Variants in KCNQ1 observed in about 807,000 individuals in gnomAD.
The protein encoded by KCNQ1 is potassium voltage-gated channel subfamily KQT member 1.
In KCNQ1, 49 loss-of-function variants were observed where a neutral mutation model predicts 72.4. That is an observed-to-expected ratio of 0.68 (90% CI 0.54 to 0.86). KCNQ1 has a LOEUF of 0.86. Ranked by LOEUF, KCNQ1 falls within the 40% of genes least tolerant of loss-of-function variation. KCNQ1 has a pLI of 0.00. For missense variants in KCNQ1, 790 were observed against 945.1 expected, an observed-to-expected ratio of 0.84 and a Z score of 2.15; for synonymous variants, 450 against 412.6, an observed-to-expected ratio of 1.09 and a Z score of -1.10.
rs957858583 is a variant in KCNQ1 at position 2,447,545 on chromosome 11, G to A, written c.386+2061G>A. 2.6e-5 allele frequency among the ~76,000 whole-genome samples: 4 copies of A among 152,132 alleles called. No individual in the cohort carries two copies. Among genetic ancestry groups the A allele is most frequent in the Admixed American group, 1.3e-4 (2 of 15,280 alleles). The stretch of plus-strand genomic sequence containing the variant: ...TGCGCTCCCACCCTCAGTGCCCTAG[G>A]AGGTTGGCAGGACCAGTCTCTTGAG... On this transcript the variant is annotated intron_variant, in intron 1 of 15. Coordinates refer to ENST00000155840, the MANE Select transcript of KCNQ1 (RefSeq NM_000218.3). The surrounding 1 kb of genome is among the most constrained non-coding windows in gnomAD (Gnocchi z 7.6).
chr11:2,525,747 G>T (rs1027017287), intron 1 of KCNQ1, among the ~76,000 whole-genome samples: 5 of 152,230 alleles, frequency 3.3e-5, no homozygotes, highest in Non-Finnish European at 7.3e-5. Flanking sequence ...ATGTCCCAGT[G>T]GGGGAGTAAC....
chr11:2,546,325 A>G (rs1366650724), intron 2 of KCNQ1, among the ~76,000 whole-genome samples: 1 of 152,188 alleles, frequency 6.6e-6, no homozygotes, highest in Non-Finnish European at 1.5e-5. Flanking sequence ...GGTCTCTTAA[A>G]ATATATTAAG....
In KCNQ1 at chr11:2,445,134, G is replaced by A. The variant is rs2133559382; in HGVS notation, c.36G>A (p.Arg12=). The change falls in exon 1 of 16, where the codon AGG becomes AGA. Residue 12 remains arginine (R), a synonymous_variant. Coordinates refer to ENST00000155840, the MANE Select transcript of KCNQ1 (RefSeq NM_000218.3). ...AAASSPPRAE[R]KRWGWGRLPG... is the part of the protein sequence containing the mutation. ...CCTCCTCCCCGCCCAGGGCCGAGAGGAAGCGCTGGGGTTGGGGCCGCCTGC... is the reference window on the plus strand; with the variant it reads ...CCTCCTCCCCGCCCAGGGCCGAGAGAAAGCGCTGGGGTTGGGGCCGCCTGC... The A allele has an allele frequency of 1.8e-6, 2 of 1,120,532 alleles. No homozygotes were observed. Among genetic ancestry groups the A allele is most frequent in the Admixed American group, 4.9e-5 (1 of 20,510 alleles). The allele number at this position is 1,120,532 out of a possible 1,614,324, so 69.4% of individuals were successfully genotyped here. A position where few individuals can be genotyped will look rare whatever the true frequency, so the allele number is the denominator to read the frequency against.
At chr11:2,749,960 C>CA (rs71029158) in intron 11 of KCNQ1, among the ~76,000 whole-genome samples, 35 of 144,254 alleles carry the variant, frequency 2.4e-4, no homozygotes, top group East Asian at 1.8e-3. Context: ...ACTCTGTCTC[C>CA]AAAAAAAAAA....
At chr11:2,798,152 G>A (rs1166257877) in intron 15 of KCNQ1, among the ~76,000 whole-genome samples, 1 of 152,188 alleles carries the variant, frequency 6.6e-6, no homozygotes, top group Non-Finnish European at 1.5e-5. Context: ...CCAGGCCCAA[G>A]CAAGCCTGCA....
Position 2,602,088 on chromosome 11 carries a change from C to T in KCNQ1, c.1393+13234C>T, listed in dbSNP as rs112209729. On this transcript the variant is annotated intron_variant, in intron 10 of 15. Coordinates refer to ENST00000155840, the MANE Select transcript of KCNQ1 (RefSeq NM_000218.3). The surrounding 1 kb of genome is among the most constrained non-coding windows in gnomAD (Gnocchi z 4.8). The stretch of plus-strand genomic sequence containing the variant: ...GAAGAGAAAAAGGGTTACGTGGCCA[C>T]GGAAGCAGGGGCAGGAAATGGCAAT... Among the ~76,000 whole-genome samples the T allele has an allele frequency of 3.5e-3, 533 of 152,070 alleles. 4 individuals are homozygous for T. The highest frequency in any genetic ancestry group is 0.011 in the African/African-American group (460 of 41,464).
In KCNQ1 at chr11:2,724,489, T is replaced by C. The variant is rs887707328; in HGVS notation, c.1515-44355T>C. 1.3e-5 allele frequency among the ~76,000 whole-genome samples: 2 copies of C among 151,914 alleles called. No individual in the cohort carries two copies. Among genetic ancestry groups the C allele is most frequent in the Non-Finnish European group, 2.9e-5 (2 of 67,976 alleles). ...GGGTGGGAGGGCAAAGAGAGAGAAGTGGTGGGTGGCAGCGAGCAGGCTGTC... is the reference window on the plus strand; with the variant it reads ...GGGTGGGAGGGCAAAGAGAGAGAAGCGGTGGGTGGCAGCGAGCAGGCTGTC... On this transcript the variant is annotated intron_variant, in intron 11 of 15. Coordinates refer to ENST00000155840, the MANE Select transcript of KCNQ1 (RefSeq NM_000218.3). This position sits in a 1 kb window ranked among gnomAD's most constrained non-coding sequence, Gnocchi z 6.8.
chr11:2,805,274 G>A (rs903392795), intron 15 of KCNQ1, among the ~76,000 whole-genome samples: 2 of 152,224 alleles, frequency 1.3e-5, no homozygotes, highest in African/African-American at 4.8e-5. Context: ...AGCAAAGGCT[G>A]CAGCTGCACA....
At position 2,488,761 on chromosome 11, in the gene KCNQ1, G is replaced by A. The variant is rs779236777; in HGVS notation, c.387-39167G>A. Among the ~76,000 whole-genome samples the A allele has an allele frequency of 8.5e-5, 13 of 152,218 alleles. No individual in the cohort carries two copies. Among genetic ancestry groups the A allele is most frequent in the Admixed American group, 3.3e-4 (5 of 15,284 alleles). On this transcript the variant is annotated intron_variant, in intron 1 of 15. Coordinates refer to ENST00000155840, the MANE Select transcript of KCNQ1 (RefSeq NM_000218.3). This position sits in a 1 kb window ranked among gnomAD's most constrained non-coding sequence, Gnocchi z 5.1. ...TTTTTACTTAGTCCATCTAGCTAAA[G>A]GTTTGTCAATTCTTAAAATCTTTTC... is the stretch of plus-strand genomic sequence containing the variant.
intron 12 of KCNQ1, among the ~76,000 whole-genome samples, chr11:2,771,760 T>G (rs572490061): frequency 6.6e-6 from 1 of 152,270 alleles, no homozygotes; most frequent in East Asian, 1.9e-4. Flanking sequence ...AGAGATCATC[T>G]GCGCCAGCCC....
intron 15 of KCNQ1, chr11:2,840,150 T>C (rs1236379516): frequency 6.8e-6 from 1 of 147,782 alleles, no homozygotes; most frequent in Non-Finnish European, 1.5e-5. Flanking sequence ...ACATTTTGTA[T>C]GCTTCATGTA....
Position 2,788,152 on chromosome 11 carries a change from T to C in KCNQ1, c.1794+10115T>C, listed in dbSNP as rs1179431272. Among the ~76,000 whole-genome samples the C allele has an allele frequency of 7.9e-5, 12 of 151,098 alleles. No individual in the cohort carries two copies. The East Asian group carries it at 2.3e-3, about 29-fold the overall frequency. The stretch of plus-strand genomic sequence containing the variant: ...CCATCTCATGGCCCCAGCGCCCCTC[T>C]CCACCCCATGCCCCCAACAGAGATG... On this transcript the variant is annotated intron_variant, in intron 15 of 15. Coordinates refer to ENST00000155840, the MANE Select transcript of KCNQ1 (RefSeq NM_000218.3).
rs1229285563 is a variant in KCNQ1, at chr11:2,592,243, C to T, written c.1393+3389C>T. On this transcript the variant is annotated intron_variant, in intron 10 of 15. Coordinates refer to ENST00000155840, the MANE Select transcript of KCNQ1 (RefSeq NM_000218.3). The surrounding 1 kb of genome is among the most constrained non-coding windows in gnomAD (Gnocchi z 5.2). ...AGATGGAGAAACGGAAGGCCAGGGC[C>T]ATGTGGGGAACTCCTGAGGACACCT... 1.3e-5 allele frequency among the ~76,000 whole-genome samples: 2 copies of T among 152,220 alleles called. No homozygotes were observed. Among genetic ancestry groups the T allele is most frequent in the African/African-American group, 4.8e-5 (2 of 41,454 alleles).
At chr11:2,761,643 CAGAG>C (rs995921651) in intron 11 of KCNQ1, among the ~76,000 whole-genome samples, 1 of 152,104 alleles carries the variant, frequency 6.6e-6, no homozygotes, top group African/African-American at 2.4e-5. Flanking sequence ...TCGCCCAAGA[CAGAG>C]AGAGAGACAC....
rs1175986552 is a variant in KCNQ1, at chr11:2,493,617, C to T, written c.387-34311C>T. 2.0e-5 allele frequency among the ~76,000 whole-genome samples: 3 copies of T among 152,134 alleles called. No homozygotes were observed. The highest frequency in any genetic ancestry group is 2.9e-5 in the Non-Finnish European group (2 of 68,016). ...TTTATTAAATAGAGAATCCTTTCCG[C>T]ATTGCTTTTTTGTCAGGTTGGTCAA... On this transcript the variant is annotated intron_variant, in intron 1 of 15. Coordinates refer to ENST00000155840, the MANE Select transcript of KCNQ1 (RefSeq NM_000218.3). The surrounding 1 kb of genome is among the most constrained non-coding windows in gnomAD (Gnocchi z 5.3).
At chr11:2,587,267 GTC>G (rs1848605035) in intron 8 of KCNQ1, among the ~76,000 whole-genome samples, 1 of 152,214 alleles carries the variant, frequency 6.6e-6, no homozygotes, top group Admixed American at 6.5e-5. Flanking sequence ...ACCTTTGCAA[GTC>G]TCTCCTTTGG....
intron 11 of KCNQ1, among the ~76,000 whole-genome samples, chr11:2,730,609 C>A (rs529749710): frequency 2.0e-5 from 3 of 152,264 alleles, no homozygotes; most frequent in Admixed American, 6.5e-5. Flanking sequence ...GCCTGGGAGG[C>A]CCCAGGAGGC....
In KCNQ1 at chr11:2,611,957, TG is replaced by T. The variant is rs1733336802; in HGVS notation, c.1393+23104del. 11 of 398,682 alleles carry T rather than the reference TG, an allele frequency of 2.8e-5. No individual in the cohort carries two copies. The highest frequency in any genetic ancestry group is 4.9e-5 in the Non-Finnish European group (11 of 226,078). 24.7% of individuals were successfully genotyped at this position (398,682 alleles called of 1,614,324 possible). A position where few individuals can be genotyped will look rare whatever the true frequency, so the allele number is the denominator to read the frequency against. ...GGTTAATAATCTACTCAAATATTTT[TG>T]TCTGCCCTATTCTCTCCTTCTCAGT... On this transcript the variant is annotated intron_variant, in intron 10 of 15. Transcript: ENST00000155840. This position sits in a 1 kb window ranked among gnomAD's most constrained non-coding sequence, Gnocchi z 5.3.
At chr11:2,655,410 T>C in intron 10 of KCNQ1, 1 of 398,684 alleles carries the variant, frequency 2.5e-6, no homozygotes, top group Non-Finnish European at 4.4e-6. Flanking sequence ...TGCTGTGCTC[T>C]TTGTCCCCAG....
Sources: gnomAD v4.1 joint callset for allele counts (sites outside exome capture counted in the v4.1 genomes callset) on GRCh38, gnomAD v4.1.1 for gene constraint, Gnocchi (gnomAD v3.1) non-coding constraint, MANE v1.5 for transcripts, NCBI Gene and HGNC (gene_info 2026-07-23, HGNC 2026-07-21) for gene names.